Variants in SMKR1 observed in about 807,000 individuals in gnomAD.
SMKR1 encodes small lysine rich protein 1.
In SMKR1, 4 loss-of-function variants were observed where a neutral mutation model predicts 4.0. The observed-to-expected ratio is 1.00, with a 90% CI of 0.49 to 2.30. The LOEUF is 2.30. SMKR1 is among the 30% of genes most tolerant of loss of function. The pLI is 0.02. For synonymous variants in SMKR1, 38 were observed against 32.5 expected (o/e 1.17, Z -0.58); for missense variants, 56 against 81.8 (o/e 0.68, Z 1.22).
At chr7:129,503,464 T>C (rs933674223) in intron 1 of SMKR1, among the ~76,000 whole-genome samples, 7 of 152,258 alleles carry the variant, frequency 4.6e-5, no homozygotes, top group Non-Finnish European at 8.8e-5. Flanking sequence ...GAGCTTTCTC[T>C]GCCATATCTT....
Position 129,503,572 on chromosome 7 carries a change from C to T in SMKR1, c.3+745C>T, listed in dbSNP as rs144807800. ...CCCCTTGCGCCTTCCCTGTCTTGAT[C>T]CGTTTTCTTTGAGGCTTGGATCAGA... On this transcript the variant is annotated intron_variant, in intron 1 of 1. Coordinates refer to ENST00000462322, the MANE Select transcript of SMKR1 (RefSeq NM_001195243.2). Among the ~76,000 whole-genome samples, 22 of 152,318 alleles carry T rather than the reference C, an allele frequency of 1.4e-4. No individual in the cohort carries two copies. In the East Asian group the frequency reaches 3.1e-3, roughly 21 times the overall value.
rs1331567206 is a variant in SMKR1, at chr7:129,512,673, G to A, written c.*232G>A. ...GAGCTATAGGATGGGAAAAGCCTGA[G>A]TAATTCCTACACAGTGTGCTGAAAT... On this transcript the variant is annotated 3_prime_UTR_variant, in exon 2 of 2. Coordinates refer to ENST00000462322, the MANE Select transcript of SMKR1 (RefSeq NM_001195243.2). The A allele has an allele frequency of 6.4e-6, 3 of 471,360 alleles. No homozygotes were observed. Among genetic ancestry groups the A allele is most frequent in the Non-Finnish European group, 1.1e-5 (3 of 270,274 alleles). The allele number at this position is 471,360 out of a possible 1,614,324, so 29.2% of individuals were successfully genotyped here.
chr7:129,505,418 G>A (rs2151027217), intron 1 of SMKR1, among the ~76,000 whole-genome samples: 1 of 151,850 alleles, frequency 6.6e-6, no homozygotes, highest in South Asian at 2.1e-4. Flanking sequence ...AAATTATATG[G>A]TCACTCCAGT....
At chr7:129,509,050 C>T (rs1400360616) in intron 1 of SMKR1, among the ~76,000 whole-genome samples, 2 of 152,072 alleles carry the variant, frequency 1.3e-5, no homozygotes, top group African/African-American at 4.8e-5. Flanking sequence ...TGTGGTGGCT[C>T]ACGCCTATAA....
At chr7:129,504,684 C>G (rs1799447055) in intron 1 of SMKR1, among the ~76,000 whole-genome samples, 1 of 151,996 alleles carries the variant, frequency 6.6e-6, no homozygotes, top group East Asian at 1.9e-4. Context: ...AGCCTGAGTA[C>G]TGGGGACTAC....
chr7:129,504,831 G>A lies in SMKR1; in HGVS notation c.3+2004G>A, dbSNP rs190034084. Among the ~76,000 whole-genome samples the A allele has an allele frequency of 1.2e-3, 178 of 152,330 alleles. 1 individual carries two copies. The highest frequency in any genetic ancestry group is 2.2e-3 in the Non-Finnish European group (148 of 68,024). ...CTCCCAGAGTGCCGGGATTACAGGT[G>A]TGAACCACCATGCCTGGCCAATAGG... is the stretch of plus-strand genomic sequence containing the variant. On this transcript the variant is annotated intron_variant, in intron 1 of 1. Transcript: ENST00000462322.
rs530756584 is a variant in SMKR1, at chr7:129,503,700, C to A, written c.3+873C>A. Among the ~76,000 whole-genome samples, 7 of 152,280 alleles carry A rather than the reference C, an allele frequency of 4.6e-5. No individual in the cohort carries two copies. The South Asian group carries it at 1.5e-3, about 32-fold the overall frequency. On this transcript the variant is annotated intron_variant, in intron 1 of 1. Coordinates refer to ENST00000462322, the MANE Select transcript of SMKR1 (RefSeq NM_001195243.2). ...TTTTTCCTTGGAAAGCCTTATTCCT[C>A]ATTAGACTCTAGTGTAGAAATCATT...
chr7:129,509,045 T>G (rs1799497389), intron 1 of SMKR1, among the ~76,000 whole-genome samples: 1 of 152,200 alleles, frequency 6.6e-6, no homozygotes, highest in Non-Finnish European at 1.5e-5. Context: ...CCAGGTGTGG[T>G]GGCTCACGCC....
chr7:129,508,536 G>A (rs932112932), intron 1 of SMKR1, among the ~76,000 whole-genome samples: 2 of 152,122 alleles, frequency 1.3e-5, no homozygotes, highest in African/African-American at 2.4e-5. Flanking sequence ...CTGCCTTCCG[G>A]GTTCAAGCGA....
chr7:129,509,817 G>A (rs538636174), intron 1 of SMKR1, among the ~76,000 whole-genome samples: 212 of 152,330 alleles, frequency 1.4e-3, no homozygotes, highest in African/African-American at 5.0e-3. Context: ...GGGATTACAG[G>A]CGTGAGCCAG....
chr7:129,509,217 G>C (rs1030340335), intron 1 of SMKR1, among the ~76,000 whole-genome samples: 5 of 152,286 alleles, frequency 3.3e-5, no homozygotes, highest in Admixed American at 1.3e-4. Flanking sequence ...GGAGGCTGAG[G>C]CAGGAGAATC....
chr7:129,507,388 G>A (rs1326756948), intron 1 of SMKR1, among the ~76,000 whole-genome samples: 4 of 151,910 alleles, frequency 2.6e-5, no homozygotes, highest in East Asian at 1.9e-4. Context: ...GGGCTCAAGC[G>A]ATCTTCCTAC....
intron 1 of SMKR1, among the ~76,000 whole-genome samples, chr7:129,509,880 C>G (rs950944017): frequency 1.3e-5 from 2 of 152,186 alleles, no homozygotes; most frequent in African/African-American, 4.8e-5. Flanking sequence ...TCCTCTTTGT[C>G]TAGCTTGGGA....
At chr7:129,508,115 T>C (rs1799488554) in intron 1 of SMKR1, among the ~76,000 whole-genome samples, 1 of 152,234 alleles carries the variant, frequency 6.6e-6, no homozygotes, top group Non-Finnish European at 1.5e-5. Context: ...TCTATTTTCT[T>C]GTAGAAGTAT....
chr7:129,505,651 T>G (rs1799457347), intron 1 of SMKR1, among the ~76,000 whole-genome samples: 3 of 152,024 alleles, frequency 2.0e-5, no homozygotes, highest in African/African-American at 7.2e-5. Context: ...GCTAATTTTT[T>G]TTGTATTTTT....
intron 1 of SMKR1, among the ~76,000 whole-genome samples, chr7:129,503,694 A>G (rs1584984329): frequency 6.6e-6 from 1 of 152,024 alleles, no homozygotes; most frequent in Non-Finnish European, 1.5e-5. Flanking sequence ...GGAAAGCCTT[A>G]TTCCTCATTA....
At chr7:129,506,686 G>T (rs80061820) in intron 1 of SMKR1, among the ~76,000 whole-genome samples, 15 of 137,904 alleles carry the variant, frequency 1.1e-4, no homozygotes, top group South Asian at 2.3e-4. Flanking sequence ...CATACATTAT[G>T]TTTTTTTTTT....
In SMKR1 at chr7:129,512,251, C is replaced by T. The variant is rs1211220887; in HGVS notation, c.8C>T (p.Ala3Val). 1 of 1,505,612 alleles carries T rather than the reference C, an allele frequency of 6.6e-7. No individual in the cohort carries two copies. The highest frequency in any genetic ancestry group is 8.8e-7 in the Non-Finnish European group (1 of 1,138,256). 93.3% of individuals were successfully genotyped at this position (1,505,612 alleles called of 1,614,324 possible). The change falls in exon 2 of 2, where the codon GCT becomes GTT. Residue 3 changes from alanine to valine, a missense_variant. Coordinates refer to ENST00000462322, the MANE Select transcript of SMKR1 (RefSeq NM_001195243.2). MP[A>V]KGKKGKGQGK... ...ATTTATATTTGTCTTTGAAAGCCAG[C>T]TAAAGGGAAAAAAGGAAAAGGCCAG...
chr7:129,511,624 T>C (rs1405497950), intron 1 of SMKR1, among the ~76,000 whole-genome samples: 1 of 152,228 alleles, frequency 6.6e-6, no homozygotes, highest in Admixed American at 6.5e-5. Flanking sequence ...GGGTCTCTTT[T>C]AATCAGGGTG....
Sources: gnomAD v4.1 joint callset for allele counts (sites outside exome capture counted in the v4.1 genomes callset) on GRCh38, gnomAD v4.1.1 for gene constraint, MANE v1.5 for transcripts, NCBI Gene and HGNC (gene_info 2026-07-23, HGNC 2026-07-21) for gene names.